Variants in MESD observed in about 807,000 individuals in gnomAD.
MESD encodes LRP chaperone MESD.
In MESD, 7 loss-of-function variants were observed where a neutral mutation model predicts 12.9. The observed-to-expected ratio is 0.54, with a 90% CI of 0.31 to 1.02. The LOEUF (loss-of-function observed/expected upper bound fraction) is 1.02, where lower values mean the gene tolerates loss of function less well. Among genes scored for constraint, MESD ranks in the 50% least tolerant of loss-of-function variants. The pLI is 0.05. For missense variants in MESD, 342 were observed against 296.7 expected, an observed-to-expected ratio of 1.15 and a Z score of -1.12; for synonymous variants, 126 against 115.6, an observed-to-expected ratio of 1.09 and a Z score of -0.58.
intron 3 of MESD, among the ~76,000 whole-genome samples, chr15:80,969,162 C>T (rs939708499): frequency 4.6e-5 from 7 of 152,038 alleles, no homozygotes; most frequent in African/African-American, 1.2e-4. Context: ...TGCACTCCAG[C>T]GTGAGCAACA....
intron 3 of MESD, among the ~76,000 whole-genome samples, chr15:80,962,355 C>T (rs1182045698): frequency 6.6e-6 from 1 of 152,174 alleles, no homozygotes; most frequent in African/African-American, 2.4e-5. Flanking sequence ...TTCTCAGACA[C>T]CTACAAAGAG....
intron 1 of MESD, among the ~76,000 whole-genome samples, chr15:80,987,273 C>A (rs558086137): frequency 6.6e-6 from 1 of 152,126 alleles, no homozygotes; most frequent in Admixed American, 6.5e-5. Flanking sequence ...AGGAGAAGAA[C>A]TGCTTCCTAC....
intron 3 of MESD, chr15:80,953,035 G>T (rs566045493): frequency 2.2e-6 from 1 of 456,100 alleles, no homozygotes; most frequent in Non-Finnish European, 4.4e-6. Context: ...ACAGGTGTTG[G>T]CCTGAGAGTC....
chr15:80,988,540 C>T lies in MESD; in HGVS notation c.213+1039G>A, dbSNP rs530405494. 2.6e-4 allele frequency among the ~76,000 whole-genome samples: 40 copies of T among 152,348 alleles called. 1 individual carries two copies. Among genetic ancestry groups the T allele is most frequent in the African/African-American group, 9.6e-4 (40 of 41,578 alleles). ...ACGGTGAATGGGGACGTTCTCTCTA[C>T]ACTCAAATCTATCCCAATCTTTCCA... On this transcript the variant is annotated intron_variant, in intron 1 of 2. Coordinates refer to ENST00000261758, the MANE Select transcript of MESD (RefSeq NM_015154.3).
chr15:80,965,006 C>T (rs1389205533), intron 3 of MESD, among the ~76,000 whole-genome samples: 1 of 152,156 alleles, frequency 6.6e-6, no homozygotes, highest in Non-Finnish European at 1.5e-5. Flanking sequence ...ACTATCATCA[C>T]AGTGAACAGG....
intron 3 of MESD, among the ~76,000 whole-genome samples, chr15:80,954,599 G>T (rs1901926541): frequency 6.6e-6 from 1 of 152,148 alleles, no homozygotes; most frequent in African/African-American, 2.4e-5. Context: ...GCAGACAGAG[G>T]TAATGGTGAG....
At chr15:80,966,104 TTAAGA>T (rs1195095409) in intron 3 of MESD, among the ~76,000 whole-genome samples, 5 of 152,344 alleles carry the variant, frequency 3.3e-5, no homozygotes, top group African/African-American at 9.6e-5. Context: ...GTGTGTACAT[TTAAGA>T]TATTTCCATG....
chr15:80,982,092 C>G lies in MESD; in HGVS notation c.304G>C (p.Glu102Gln). The change falls in exon 2 of 3, where the codon GAA becomes CAA. Residue 102 changes from glutamate (E) to glutamine (Q), a missense_variant. By Grantham distance (29) the Glu-to-Gln change is conservative. Transcript: ENST00000261758. ...DFSKIDPSKP[E>Q]SILKMTKKGK... Reference sequence around the variant, plus strand: ...TTTTTCGTCATTTTCAATATGCTTTCAGGCTTGCTTGGGTCTATCTTTGAG... The same window carrying G: ...TTTTTCGTCATTTTCAATATGCTTTGAGGCTTGCTTGGGTCTATCTTTGAG... 1.2e-6 allele frequency: 2 copies of G among 1,614,140 alleles called. No individual in the cohort carries two copies. The highest frequency in any genetic ancestry group is 1.7e-6 in the Non-Finnish European group (2 of 1,180,024).
intron 3 of MESD, among the ~76,000 whole-genome samples, chr15:80,962,801 A>C (rs1302033993): frequency 6.6e-6 from 1 of 152,244 alleles, no homozygotes; most frequent in African/African-American, 2.4e-5. Flanking sequence ...GAACAAAGAC[A>C]CAATGTACCA....
At chr15:80,985,660 T>TTTTTC (rs1902710177) in intron 1 of MESD, among the ~76,000 whole-genome samples, 1 of 148,942 alleles carries the variant, frequency 6.7e-6, no homozygotes, top group African/African-American at 2.5e-5. Flanking sequence ...TTTTTTTTTT[T>TTTTTC]TTTTAGATGG....
chr15:80,981,876 C>T (rs1438281424), intron 2 of MESD, 74 bp downstream of exon 2: 31 of 1,069,842 alleles, frequency 2.9e-5, no homozygotes, highest in Non-Finnish European at 1.4e-6. Flanking sequence ...TCATCATCAT[C>T]ATAATTAATA....
chr15:80,980,015 C>A (rs1902532382), intron 2 of MESD, among the ~76,000 whole-genome samples: 1 of 152,228 alleles, frequency 6.6e-6, no homozygotes, highest in Non-Finnish European at 1.5e-5. Context: ...CCCAGCTCGT[C>A]CACACTCGAA....
chr15:80,965,526 C>A (rs890213516), intron 3 of MESD, among the ~76,000 whole-genome samples: 5 of 152,130 alleles, frequency 3.3e-5, no homozygotes, highest in Non-Finnish European at 7.3e-5. Flanking sequence ...TGGCACCATT[C>A]ACAATAGAAA....
At chr15:80,983,639 G>A (rs1902646252) in intron 1 of MESD, among the ~76,000 whole-genome samples, 1 of 152,172 alleles carries the variant, frequency 6.6e-6, no homozygotes, top group African/African-American at 2.4e-5. Flanking sequence ...GTTCCTTGGA[G>A]AACAGGCTTA....
chr15:80,987,413 G>A (rs1234391119), intron 1 of MESD, among the ~76,000 whole-genome samples: 2 of 152,148 alleles, frequency 1.3e-5, no homozygotes, highest in African/African-American at 4.8e-5. Context: ...CTGCAAAGTA[G>A]GGCGTTATCT....
chr15:80,972,588 G>C (rs995975736), downstream of MESD, among the ~76,000 whole-genome samples: 2 of 152,222 alleles, frequency 1.3e-5, no homozygotes, highest in African/African-American at 4.8e-5. Flanking sequence ...TCAGGCACGT[G>C]TAAGTAACAA....
chr15:80,946,650 T>G, downstream of MESD: 2 of 372,128 alleles, frequency 5.4e-6, no homozygotes, highest in Non-Finnish European at 5.2e-6. Context: ...AGCCCTGGCA[T>G]GGTACGCTCT....
intron 3 of MESD, among the ~76,000 whole-genome samples, chr15:80,964,784 C>A (rs1292058705): frequency 6.6e-6 from 1 of 152,216 alleles, no homozygotes; most frequent in East Asian, 1.9e-4. Context: ...CCCTTCCTTA[C>A]ACCTTATACA....
At chr15:80,974,575 A>G (rs1283449941), downstream of MESD, among the ~76,000 whole-genome samples, 3 of 151,002 alleles carry the variant, frequency 2.0e-5, no homozygotes, top group Non-Finnish European at 4.4e-5. Context: ...CGGAATATTT[A>G]AAAATATAAA....
Sources: allele counts gnomAD v4.1 joint callset (sites outside exome capture counted in the v4.1 genomes callset), GRCh38; gene constraint gnomAD v4.1.1; transcripts MANE v1.5; gene names NCBI Gene and HGNC (gene_info 2026-07-23, HGNC 2026-07-21).